SLCO1B1: variants seen among roughly 807,000 people sequenced by gnomAD.
SLCO1B1 encodes the protein solute carrier organic anion transporter family member 1B1.
A neutral mutation model predicts 70.1 loss-of-function variants in SLCO1B1; 81 were observed. The ratio of observed to expected loss-of-function variants is 1.16; its 90% CI spans 0.97 to 1.39. SLCO1B1 has a LOEUF of 1.39. Ranked by LOEUF, SLCO1B1 falls within the 40% of genes most tolerant of loss-of-function variation. SLCO1B1 has a pLI of 0.00. For missense variants in SLCO1B1, 895 were observed against 799.6 expected (o/e 1.12, Z -1.44); for synonymous variants, 283 against 271.5 (o/e 1.04, Z -0.42).
intron 10 of SLCO1B1, among the ~76,000 whole-genome samples, chr12:21,205,243 T>C (rs1010894021): frequency 5.9e-5 from 9 of 151,982 alleles, no homozygotes; most frequent in Non-Finnish European, 1.3e-4. Flanking sequence ...AATCATATTT[T>C]ATAATTTATA....
At chr12:21,192,194 ATTTTC>A (rs1208668971) in intron 7 of SLCO1B1, among the ~76,000 whole-genome samples, 1 of 151,838 alleles carries the variant, frequency 6.6e-6, no homozygotes, top group Non-Finnish European at 1.5e-5. Context: ...TGCCATTAAT[ATTTTC>A]TTTAGCTATT....
intron 11 of SLCO1B1, among the ~76,000 whole-genome samples, chr12:21,207,152 T>C (rs1941224106): frequency 6.6e-6 from 1 of 151,962 alleles, no homozygotes; most frequent in South Asian, 2.1e-4. Context: ...TTAACTCTTA[T>C]TTTAGGTAAA....
intron 2 of SLCO1B1, among the ~76,000 whole-genome samples, chr12:21,147,779 A>T (rs1940408407): frequency 6.6e-6 from 1 of 152,198 alleles, no homozygotes; most frequent in Non-Finnish European, 1.5e-5. Flanking sequence ...ATGATTTATA[A>T]TCCTATGGAT....
At chr12:21,146,215 G>A (rs1940380738) in intron 2 of SLCO1B1, among the ~76,000 whole-genome samples, 1 of 151,994 alleles carries the variant, frequency 6.6e-6, no homozygotes, top group African/African-American at 2.4e-5. Context: ...TTTTATATAG[G>A]TTATCATAGT....
Position 21,141,605 on chromosome 12 carries a change from G to A in SLCO1B1, c.31G>A (p.Ala11Thr). ...CCAAAATCAACATTTGAATAAAACA[G>A]CAGAGGCACAACCTTCAGAGAATAA... MDQNQHLNKT[A>T]EAQPSENKKT... The change falls in exon 2 of 15, where the codon GCA becomes ACA. Residue 11 changes from alanine (A) to threonine (T), a missense_variant. By Grantham distance (58) the Ala-to-Thr change is moderately conservative (BLOSUM62 0). Transcript: ENST00000256958. 6.2e-7 allele frequency: 1 copy of A among 1,608,828 alleles called. No individual in the cohort carries two copies. Among genetic ancestry groups the A allele is most frequent in the Non-Finnish European group, 8.5e-7 (1 of 1,176,204 alleles).
intron 2 of SLCO1B1, among the ~76,000 whole-genome samples, chr12:21,148,674 G>T (rs1940421698): frequency 7.0e-6 from 1 of 143,722 alleles, no homozygotes. Flanking sequence ...TTTTTGCTTA[G>T]GATTGTCTTG....
chr12:21,140,029 T>G (rs1940285085), intron 1 of SLCO1B1, among the ~76,000 whole-genome samples: 1 of 152,112 alleles, frequency 6.6e-6, no homozygotes, highest in Admixed American at 6.6e-5. Flanking sequence ...ATAGTATGTA[T>G]TAAATAAAGT....
chr12:21,133,485 G>A (rs1428875944), intron 1 of SLCO1B1, among the ~76,000 whole-genome samples: 2 of 152,050 alleles, frequency 1.3e-5, no homozygotes, highest in Non-Finnish European at 2.9e-5. Flanking sequence ...TCTTCTATTT[G>A]TTCGTATCCT....
At chr12:21,219,709 A>C (rs1941399703) in intron 12 of SLCO1B1, among the ~76,000 whole-genome samples, 1 of 151,520 alleles carries the variant, frequency 6.6e-6, no homozygotes, top group Admixed American at 6.6e-5. Context: ...AGTAAATGAA[A>C]TGAGTAAATG....
intron 11 of SLCO1B1, among the ~76,000 whole-genome samples, chr12:21,215,183 T>C (rs181422874): frequency 2.0e-5 from 3 of 152,336 alleles, no homozygotes; most frequent in Admixed American, 2.0e-4. Context: ...GTCTCTTTCC[T>C]GATTGATCTG....
At chr12:21,197,232 A>T (rs777981499) in intron 8 of SLCO1B1, 44 bp downstream of exon 8, 2 of 1,603,796 alleles carry the variant, frequency 1.2e-6, no homozygotes, top group South Asian at 2.2e-5. Context: ...TGTTAATCTC[A>T]ATGAAAAGGA....
At chr12:21,216,184 C>G (rs948460525) in intron 11 of SLCO1B1, among the ~76,000 whole-genome samples, 2 of 151,498 alleles carry the variant, frequency 1.3e-5, no homozygotes, top group Admixed American at 1.3e-4. Flanking sequence ...AATAATGAAC[C>G]ATCACTTCTT....
Position 21,205,940 on chromosome 12 carries a change from T to C in SLCO1B1, c.1404T>C (p.Ser468=). The change falls in exon 11 of 15, where the codon AGT becomes AGC. Residue 468 remains serine, a synonymous_variant. Transcript: ENST00000256958. ...ACTCAGACTGCAATTGTGATGAAAG[T>C]CAATGGGAACCAGTCTGTGGAAACA... is the stretch of plus-strand genomic sequence containing the variant. ...YCNSDCNCDE[S]QWEPVCGNNG... 6.2e-7 allele frequency: 1 copy of C among 1,611,906 alleles called. No homozygotes were observed. The highest frequency in any genetic ancestry group is 8.5e-7 in the Non-Finnish European group (1 of 1,178,398).
chr12:21,190,197 T>A (rs767643264), intron 7 of SLCO1B1, among the ~76,000 whole-genome samples: 4 of 152,224 alleles, frequency 2.6e-5, no homozygotes, highest in African/African-American at 9.6e-5. Flanking sequence ...TGTCTACCCA[T>A]GTTGTCCAGA....
At chr12:21,153,673 T>G (rs1456076075) in intron 2 of SLCO1B1, among the ~76,000 whole-genome samples, 1 of 152,122 alleles carries the variant, frequency 6.6e-6, no homozygotes, top group Non-Finnish European at 1.5e-5. Flanking sequence ...TTATCATAAT[T>G]GAAAGAAAGA....
chr12:21,184,212 G>T (rs1397989248), intron 7 of SLCO1B1, among the ~76,000 whole-genome samples: 1 of 152,168 alleles, frequency 6.6e-6, no homozygotes, highest in South Asian at 2.1e-4. Context: ...CCTCAAACTT[G>T]CTAGAGAGAT....
At chr12:21,201,102 CATA>C (rs1941152707) in intron 9 of SLCO1B1, among the ~76,000 whole-genome samples, 1 of 152,036 alleles carries the variant, frequency 6.6e-6, no homozygotes, top group African/African-American at 2.4e-5. Flanking sequence ...TCAAAATATG[CATA>C]ATTCAAAACA....
intron 7 of SLCO1B1, among the ~76,000 whole-genome samples, chr12:21,185,590 G>A (rs1039336733): frequency 6.6e-6 from 1 of 151,854 alleles, no homozygotes; most frequent in Non-Finnish European, 1.5e-5. Context: ...TCTATCTAAA[G>A]CAGTGTTAAG....
Position 21,176,761 on chromosome 12 carries a change from G to A in SLCO1B1, c.360-15G>A, listed in dbSNP as rs886049144. The A allele has an allele frequency of 6.6e-7, 1 of 1,514,392 alleles. No individual in the cohort carries two copies. The highest frequency in any genetic ancestry group is 2.3e-5 in the East Asian group (1 of 44,044). The allele number at this position is 1,514,392 out of a possible 1,614,324, so 93.8% of individuals were successfully genotyped here. On this transcript the variant is annotated splice_polypyrimidine_tract_variant and intron_variant, in intron 4 of 14. Transcript: ENST00000256958. ...GTAGATAAGCAAAATGTTTAATTCAGTGATGTTCTTACAGTTACAGGTATT... is the reference window on the plus strand; with the variant it reads ...GTAGATAAGCAAAATGTTTAATTCAATGATGTTCTTACAGTTACAGGTATT...
Sources: allele counts gnomAD v4.1 joint callset (sites outside exome capture counted in the v4.1 genomes callset), GRCh38; gene constraint gnomAD v4.1.1; transcripts MANE v1.5; gene names NCBI Gene and HGNC (gene_info 2026-07-23, HGNC 2026-07-21).